Variants in ASB3 observed in about 807,000 individuals in gnomAD.
ASB3 encodes ankyrin repeat and SOCS box containing 3.
Under a neutral mutation model 54.5 loss-of-function variants are expected in ASB3, and 41 were observed. That is an observed-to-expected ratio of 0.75 (90% CI 0.59 to 0.98). The LOEUF is 0.98. Among genes scored for constraint, ASB3 ranks in the 50% least tolerant of loss-of-function variants. ASB3 has a pLI of 0.00. For synonymous variants in ASB3, 266 were observed against 221.2 expected, an observed-to-expected ratio of 1.20 and a Z score of -1.80; for missense variants, 733 against 620.0, an observed-to-expected ratio of 1.18 and a Z score of -1.94.
chr2:53,701,046 G>A (rs1669464338), intron 7 of ASB3, among the ~76,000 whole-genome samples: 1 of 152,064 alleles, frequency 6.6e-6, no homozygotes, highest in African/African-American at 2.4e-5. Context: ...CACAATCAAG[G>A]CTCACTGTAA....
intron 8 of ASB3, among the ~76,000 whole-genome samples, chr2:53,696,758 TACA>T (rs59495700): frequency 1.8e-3 from 272 of 152,194 alleles, no homozygotes; most frequent in African/African-American, 6.2e-3. Context: ...TAAAATACAG[TACA>T]ACAACTATTT....
chr2:53,781,424 A>G (rs1474858641), intron 1 of ASB3, among the ~76,000 whole-genome samples: 1 of 152,122 alleles, frequency 6.6e-6, no homozygotes, highest in South Asian at 2.1e-4. Context: ...AAAAAAAAAA[A>G]AAAAGTGAGA....
At chr2:53,746,718 G>T (rs1672247531) in intron 3 of ASB3, among the ~76,000 whole-genome samples, 1 of 152,048 alleles carries the variant, frequency 6.6e-6, no homozygotes, top group African/African-American at 2.4e-5. Flanking sequence ...GACCTCAGGT[G>T]ATCCGCCCGC....
intron 9 of ASB3, among the ~76,000 whole-genome samples, chr2:53,688,009 T>TG (rs1668721910): frequency 6.6e-6 from 1 of 152,102 alleles, no homozygotes; most frequent in Non-Finnish European, 1.5e-5. Context: ...TTTGTAGAGA[T>TG]GGGGTCTTGC....
chr2:53,769,521 A>C (rs1673742057), intron 1 of ASB3, among the ~76,000 whole-genome samples: 1 of 152,160 alleles, frequency 6.6e-6, no homozygotes, highest in Non-Finnish European at 1.5e-5. Flanking sequence ...GAAATTGCCT[A>C]GTCAACACAA....
chr2:53,706,294 T>C (rs1439128942), intron 7 of ASB3, among the ~76,000 whole-genome samples: 2 of 152,322 alleles, frequency 1.3e-5, no homozygotes, highest in South Asian at 2.1e-4. Flanking sequence ...GATATAATTA[T>C]TGATTCATTA....
chr2:53,679,397 TA>T (rs1668246017), intron 9 of ASB3, among the ~76,000 whole-genome samples: 1 of 152,108 alleles, frequency 6.6e-6, no homozygotes, highest in Non-Finnish European at 1.5e-5. Context: ...AACTTCACAG[TA>T]AAAACTGGTC....
In ASB3 at chr2:53,701,124, C is replaced by T. The variant is rs568997357; in HGVS notation, c.981-596G>A. On this transcript the variant is annotated intron_variant, in intron 7 of 9. Coordinates refer to ENST00000263634, the MANE Select transcript of ASB3 (RefSeq NM_016115.5). Reference sequence around the variant, plus strand: ...GAGTAGGTGGGACTACAGCTACATGCCACCATGCCTGGCTAATTTTTAAAT... The same window carrying T: ...GAGTAGGTGGGACTACAGCTACATGTCACCATGCCTGGCTAATTTTTAAAT... Among the ~76,000 whole-genome samples the T allele has an allele frequency of 9.2e-5, 14 of 152,264 alleles. No individual in the cohort carries two copies. In the East Asian group the frequency reaches 2.5e-3, roughly 27 times the overall value.
At chr2:53,683,583 T>A (rs1668490433) in intron 9 of ASB3, among the ~76,000 whole-genome samples, 1 of 152,192 alleles carries the variant, frequency 6.6e-6, no homozygotes, top group South Asian at 2.1e-4. Flanking sequence ...TTGGTAAAAT[T>A]CAGCAGTGAA....
At chr2:53,761,735 C>T (rs147812314) in intron 2 of ASB3, among the ~76,000 whole-genome samples, 258 of 152,302 alleles carry the variant, frequency 1.7e-3, no homozygotes, top group Middle Eastern at 3.4e-3. Context: ...CATAGTAAAT[C>T]CCCTCTTGTC....
chr2:53,707,284 C>G (rs1042987948), intron 7 of ASB3, among the ~76,000 whole-genome samples: 1 of 152,216 alleles, frequency 6.6e-6, no homozygotes, highest in Non-Finnish European at 1.5e-5. Flanking sequence ...CAGCTCTAGA[C>G]TCTTGCTACT....
At chr2:53,716,534 G>A (rs1398096597) in intron 6 of ASB3, 32 bp downstream of exon 6, 4 of 1,597,294 alleles carry the variant, frequency 2.5e-6, no homozygotes, top group South Asian at 1.1e-5. Context: ...TTGATTAAGA[G>A]ACCATGTTTA....
intron 5 of ASB3, among the ~76,000 whole-genome samples, chr2:53,720,534 A>G (rs1031761809): frequency 6.6e-6 from 1 of 152,218 alleles, no homozygotes; most frequent in Admixed American, 6.5e-5. Context: ...GTTCAATTCA[A>G]TGAGAAGACT....
At chr2:53,719,126 T>C (rs1670029851) in intron 5 of ASB3, among the ~76,000 whole-genome samples, 1 of 152,166 alleles carries the variant, frequency 6.6e-6, no homozygotes, top group Non-Finnish European at 1.5e-5. Context: ...GGTTTCACCA[T>C]GTTGGCCAGG....
chr2:53,747,842 G>C (rs1311372141), intron 3 of ASB3, among the ~76,000 whole-genome samples: 2 of 152,212 alleles, frequency 1.3e-5, no homozygotes, highest in East Asian at 3.8e-4. Context: ...TTCAGACAGG[G>C]TGGGCACAAT....
chr2:53,717,107 C>T (rs1388384455), intron 5 of ASB3, among the ~76,000 whole-genome samples: 3 of 152,160 alleles, frequency 2.0e-5, no homozygotes, highest in Admixed American at 2.0e-4. Context: ...TGATTCATAT[C>T]TTAGAATTCA....
intron 6 of ASB3, among the ~76,000 whole-genome samples, chr2:53,715,142 A>G (rs971178115): frequency 1.3e-5 from 2 of 152,168 alleles, no homozygotes; most frequent in Admixed American, 6.5e-5. Context: ...AGCTCATTAA[A>G]TATGGAGGCA....
At chr2:53,718,533 T>C (rs945714428) in intron 5 of ASB3, among the ~76,000 whole-genome samples, 2 of 151,974 alleles carry the variant, frequency 1.3e-5, no homozygotes, top group African/African-American at 2.4e-5. Context: ...AACATGGAAA[T>C]GAAAGAACAA....
intron 2 of ASB3, among the ~76,000 whole-genome samples, chr2:53,751,430 T>C (rs1323259317): frequency 6.6e-6 from 1 of 152,216 alleles, no homozygotes; most frequent in Non-Finnish European, 1.5e-5. Flanking sequence ...TATGGTTTAA[T>C]TGTTAATGAA....
Sources: gnomAD v4.1 joint callset for allele counts (sites outside exome capture counted in the v4.1 genomes callset) on GRCh38, gnomAD v4.1.1 for gene constraint, MANE v1.5 for transcripts, NCBI Gene and HGNC (gene_info 2026-07-23, HGNC 2026-07-21) for gene names.